FCRL1: variants seen among roughly 807,000 people sequenced by gnomAD.
FCRL1 encodes Fc receptor-like protein 1.
Under a neutral mutation model 49.2 loss-of-function variants are expected in FCRL1, and 34 were observed. That is an observed-to-expected ratio of 0.69 (90% CI 0.53 to 0.92). The LOEUF (loss-of-function observed/expected upper bound fraction) is 0.92, where lower values mean the gene tolerates loss of function less well. FCRL1 is among the 40% of genes least tolerant of loss of function. FCRL1 has a pLI of 0.00. For synonymous variants in FCRL1, 218 were observed against 201.6 expected (o/e 1.08, Z -0.69); for missense variants, 524 against 524.1 (o/e 1.00, Z 0.00).
intron 1 of FCRL1, among the ~76,000 whole-genome samples, chr1:157,809,224 A>G (rs1026500052): frequency 2.6e-5 from 4 of 152,164 alleles, no homozygotes; most frequent in African/African-American, 7.2e-5. Flanking sequence ...GATGAAGTCT[A>G]GGTATCAACT....
At chr1:157,813,363 T>C (rs552407479) in intron 1 of FCRL1, among the ~76,000 whole-genome samples, 1 of 152,292 alleles carries the variant, frequency 6.6e-6, no homozygotes, top group South Asian at 2.1e-4. Flanking sequence ...GAAAACAATT[T>C]ATGACCTAAA....
chr1:157,817,224 G>A (rs1206594956), intron 1 of FCRL1, among the ~76,000 whole-genome samples: 1 of 151,110 alleles, frequency 6.6e-6, no homozygotes, highest in African/African-American at 2.4e-5. Flanking sequence ...AAACAACCTT[G>A]AAGAAAAGAA....
At chr1:157,812,659 G>A (rs1247026199) in intron 1 of FCRL1, among the ~76,000 whole-genome samples, 4 of 152,106 alleles carry the variant, frequency 2.6e-5, no homozygotes, top group Admixed American at 6.5e-5. Context: ...CTTTGTCTTG[G>A]TGGAAGAGCT....
chr1:157,817,366 A>G (rs908034334), intron 1 of FCRL1, among the ~76,000 whole-genome samples: 2 of 152,172 alleles, frequency 1.3e-5, no homozygotes, highest in Non-Finnish European at 2.9e-5. Flanking sequence ...GCCCGGAAAT[A>G]AATCCACACA....
At chr1:157,796,229 C>T (rs1651450009) in intron 10 of FCRL1, 59 bp from the exon 11 acceptor site, 1 of 1,384,320 alleles carries the variant, frequency 7.2e-7, no homozygotes, top group African/African-American at 1.4e-5. Context: ...CTCCACTGGT[C>T]CCCTTCCCCA....
At chr1:157,801,313 T>A (rs766195849) in intron 6 of FCRL1, 148 bp downstream of exon 6, 1 of 652,806 alleles carries the variant, frequency 1.5e-6, no homozygotes, top group Non-Finnish European at 2.8e-6. Context: ...TAATAGGCAC[T>A]GTTCCTACCC....
Position 157,815,235 on chromosome 1 carries a change from T to A in FCRL1, c.31+4772A>T, listed in dbSNP as rs926975189. On this transcript the variant is annotated intron_variant, in intron 1 of 10. Transcript: ENST00000368176. ...AAATGTCTTAACAAATTTAAAAAGATTGAAATTATATGAAGTCTCTTCTGA... is the reference window on the plus strand; with the variant it reads ...AAATGTCTTAACAAATTTAAAAAGAATGAAATTATATGAAGTCTCTTCTGA... Among the ~76,000 whole-genome samples the A allele has an allele frequency of 3.5e-4, 53 of 152,016 alleles. 1 individual carries two copies. The highest frequency in any genetic ancestry group is 3.2e-3 in the Admixed American group (49 of 15,272).
At chr1:157,818,910 G>A (rs1308138685) in intron 1 of FCRL1, among the ~76,000 whole-genome samples, 1 of 152,158 alleles carries the variant, frequency 6.6e-6, no homozygotes, top group East Asian at 1.9e-4. Context: ...ACATATTGAT[G>A]ATGGAGCAAA....
rs758790629 is a variant in FCRL1, at chr1:157,802,594, C to A, written c.390G>T (p.Leu130=). 6.8e-6 allele frequency: 11 copies of A among 1,614,164 alleles called. No individual in the cohort carries two copies. In the East Asian group the frequency reaches 2.0e-4, roughly 29 times the overall value. ...PGGQVMEGDR[L]VLICSVAMGT... ...CCATAGCAACTGAGCAGATGAGGAC[C>A]AGCCTGTCTCCCTCCATCACCTGTC... Residue 130 remains leucine, a synonymous_variant, in exon 4 of 11, where the codon CTG becomes CTT. Transcript: ENST00000368176.
chr1:157,815,233 G>T (rs1654868532), intron 1 of FCRL1, among the ~76,000 whole-genome samples: 1 of 151,810 alleles, frequency 6.6e-6, no homozygotes, highest in South Asian at 2.1e-4. Context: ...AATTTAAAAA[G>T]ATTGAAATTA....
At chr1:157,803,791 C>G in intron 3 of FCRL1, 54 bp downstream of exon 3, 1 of 1,587,870 alleles carries the variant, frequency 6.3e-7, no homozygotes, top group Admixed American at 1.7e-5. Flanking sequence ...GGATTAGCCT[C>G]TTGCCACTGC....
chr1:157,801,681 G>A (rs1571351922), intron 5 of FCRL1, 104 bp from the exon 6 acceptor site: 1 of 919,492 alleles, frequency 1.1e-6, no homozygotes, highest in East Asian at 2.4e-5. Flanking sequence ...TCTTCCAAGT[G>A]GGGATTTATT....
intron 2 of FCRL1, 62 bp from the exon 3 acceptor site, chr1:157,804,173 T>G: frequency 6.3e-7 from 1 of 1,582,908 alleles, no homozygotes; most frequent in Non-Finnish European, 8.6e-7. Context: ...AAGAGGCAGT[T>G]TGTGTCTCAG....
intron 1 of FCRL1, among the ~76,000 whole-genome samples, chr1:157,808,776 G>C (rs1448739546): frequency 2.0e-5 from 3 of 152,216 alleles, no homozygotes; most frequent in South Asian, 4.1e-4. Context: ...AGATTAGACA[G>C]TGCTGGTGAT....
intron 2 of FCRL1, chr1:157,806,624 C>A (rs1653493905): frequency 6.5e-6 from 1 of 153,446 alleles, no homozygotes; most frequent in Non-Finnish European, 1.4e-5. Flanking sequence ...CTACTTCATT[C>A]CACACATGTC....
rs781677070 is a variant in FCRL1, at chr1:157,819,991, G to C, written c.31+16C>G. 6.2e-7 allele frequency: 1 copy of C among 1,613,992 alleles called. No homozygotes were observed. Among genetic ancestry groups the C allele is most frequent in the East Asian group, 2.2e-5 (1 of 44,870 alleles). ...ATGATTGCATCCCATGCCCTGCTCT[G>C]AGTTGCCCAACTCACCACAGATCAA... On this transcript the variant is annotated intron_variant, in intron 1 of 10. Transcript: ENST00000368176.
chr1:157,804,193 A>G (rs369662617), intron 2 of FCRL1, 82 bp from the exon 3 acceptor site: 4 of 1,536,282 alleles, frequency 2.6e-6, no homozygotes, highest in South Asian at 1.2e-5. Flanking sequence ...GCACTTGCCA[A>G]CAAGACTCAA....
At chr1:157,798,866 A>G (rs1363917575) in intron 7 of FCRL1, among the ~76,000 whole-genome samples, 1 of 152,126 alleles carries the variant, frequency 6.6e-6, no homozygotes, top group Non-Finnish European at 1.5e-5. Flanking sequence ...ACCTACCCTA[A>G]AATACTTTAA....
intron 1 of FCRL1, among the ~76,000 whole-genome samples, chr1:157,807,345 T>C (rs571302159): frequency 1.3e-5 from 2 of 152,086 alleles, no homozygotes; most frequent in Non-Finnish European, 2.9e-5. Context: ...CTTCTTTCTC[T>C]CTGCTCCTTT....
Sources: gnomAD v4.1 joint callset for allele counts (sites outside exome capture counted in the v4.1 genomes callset) on GRCh38, gnomAD v4.1.1 for gene constraint, MANE v1.5 for transcripts, NCBI Gene and HGNC (gene_info 2026-07-23, HGNC 2026-07-21) for gene names.